Variants in USH2A observed in about 807,000 individuals in gnomAD.
USH2A encodes the protein Usher syndrome 2A (autosomal recessive, mild).
USH2A carries 443 observed loss-of-function variants against 538.9 expected under a neutral mutation model. The ratio of observed to expected loss-of-function variants is 0.82; its 90% CI spans 0.76 to 0.89. The LOEUF (loss-of-function observed/expected upper bound fraction) is 0.89. Ranked by LOEUF, USH2A falls within the 40% of genes least tolerant of loss-of-function variation. The pLI, the probability that USH2A is intolerant of heterozygous loss-of-function variation, is 0.00. For missense variants in USH2A, 6,633 were observed against 6,324.8 expected (o/e 1.05, Z -1.65); for synonymous variants, 2,413 against 2,273.5 (o/e 1.06, Z -1.75).
intron 43 of USH2A, among the ~76,000 whole-genome samples, chr1:215,877,527 A>T (rs1395121061): frequency 1.2e-4 from 18 of 152,180 alleles, no homozygotes; most frequent in Admixed American, 1.2e-3. Flanking sequence ...AGGCTTGAAC[A>T]TCTACAAGTT....
At position 215,713,068 on chromosome 1, in the gene USH2A, A is replaced by G. The variant is rs1420308406; in HGVS notation, c.12066+14962T>C. 1.3e-5 allele frequency among the ~76,000 whole-genome samples: 2 copies of G among 152,156 alleles called. 1 individual carries two copies. Among genetic ancestry groups the G allele is most frequent in the African/African-American group, 4.8e-5 (2 of 41,428 alleles). On this transcript the variant is annotated intron_variant, in intron 61 of 71. Coordinates refer to ENST00000307340, the MANE Select transcript of USH2A (RefSeq NM_206933.4). ...GTGATCTGCCCACCTCGGCTTCCCA[A>G]AGTGCTGGGATTACAGGCATGAGCC...
At chr1:215,953,091 C>A (rs1666964162) in intron 37 of USH2A, among the ~76,000 whole-genome samples, 2 of 152,104 alleles carry the variant, frequency 1.3e-5, no homozygotes, top group Admixed American at 6.5e-5. Context: ...AAGAACATTG[C>A]ATGCTCATGG....
intron 60 of USH2A, among the ~76,000 whole-genome samples, chr1:215,732,216 G>C (rs768442665): frequency 2.0e-4 from 30 of 152,170 alleles, no homozygotes; most frequent in Non-Finnish European, 3.2e-4. Flanking sequence ...ATTTGTGAAG[G>C]TTGAATCGTC....
intron 35 of USH2A, among the ~76,000 whole-genome samples, chr1:215,972,704 C>T (rs1259735330): frequency 6.6e-6 from 1 of 152,102 alleles, no homozygotes. Flanking sequence ...TATAGTTTAC[C>T]ATTCTGATAA....
At chr1:215,659,585 TA>T (rs1287132066) in intron 64 of USH2A, among the ~76,000 whole-genome samples, 1 of 152,194 alleles carries the variant, frequency 6.6e-6, no homozygotes, top group Non-Finnish European at 1.5e-5. Flanking sequence ...GACAATACCC[TA>T]GCCTTAAAGT....
At chr1:216,060,689 T>G (rs1430472599) in intron 30 of USH2A, among the ~76,000 whole-genome samples, 1 of 152,216 alleles carries the variant, frequency 6.6e-6, no homozygotes, top group Non-Finnish European at 1.5e-5. Flanking sequence ...TATACACCAA[T>G]TATATCTGTA....
intron 61 of USH2A, among the ~76,000 whole-genome samples, chr1:215,687,222 G>C (rs1658453883): frequency 6.6e-6 from 1 of 152,058 alleles, no homozygotes; most frequent in Non-Finnish European, 1.5e-5. Context: ...GATTAGGCAG[G>C]GGACAATTGT....
chr1:216,082,564 A>G (rs1447631477), intron 26 of USH2A, among the ~76,000 whole-genome samples: 2 of 151,992 alleles, frequency 1.3e-5, no homozygotes, highest in Non-Finnish European at 2.9e-5. Context: ...TAAGATGTTC[A>G]TATTTTTCTC....
intron 3 of USH2A, among the ~76,000 whole-genome samples, chr1:216,416,615 T>G (rs4488081): frequency 0.71 from 108,251 of 152,000 alleles, 38,818 homozygotes; most frequent in East Asian, 0.83. Flanking sequence ...CCTAAACTAG[T>G]AAATGACTCA....
At position 215,675,452 on chromosome 1, in the gene USH2A, G is replaced by T; in HGVS notation, c.12459C>A (p.Ala4153=). ...SAPQPLWTDE[A]PPDSQLAPTV... ...TAGGAGCCAGCTGAGAGTCTGGAGG[G>T]GCTTCATCTGTCCACAGAGGCTGAG... The change falls in exon 63 of 72, where the codon GCC becomes GCA. Residue 4153 remains alanine (A), a synonymous_variant. Coordinates refer to ENST00000307340, the MANE Select transcript of USH2A (RefSeq NM_206933.4). The T allele has an allele frequency of 6.2e-7, 1 of 1,613,976 alleles. No homozygotes were observed. Among genetic ancestry groups the T allele is most frequent in the South Asian group, 1.1e-5 (1 of 91,068 alleles).
chr1:215,910,872 G>A (rs988890982), intron 38 of USH2A, among the ~76,000 whole-genome samples: 5 of 151,600 alleles, frequency 3.3e-5, no homozygotes, highest in South Asian at 2.1e-4. Context: ...AATTGAGATC[G>A]CTCTGGATAC....
intron 43 of USH2A, among the ~76,000 whole-genome samples, chr1:215,874,117 G>A (rs1217040620): frequency 1.3e-5 from 2 of 152,108 alleles, no homozygotes; most frequent in Non-Finnish European, 2.9e-5. Context: ...GGAGGTCGCC[G>A]CCCTCTTGTT....
intron 11 of USH2A, among the ~76,000 whole-genome samples, chr1:216,253,401 G>C (rs945712653): frequency 2.0e-5 from 3 of 152,006 alleles, no homozygotes; most frequent in Non-Finnish European, 4.4e-5. Context: ...CCTGACCTCA[G>C]GTGATCTGTC....
At chr1:216,003,097 C>A (rs140136535) in intron 32 of USH2A, among the ~76,000 whole-genome samples, 301 of 151,992 alleles carry the variant, frequency 2.0e-3, no homozygotes, top group African/African-American at 7.0e-3. Flanking sequence ...GGGAAGTGTC[C>A]GTTTCTATAA....
chr1:216,262,496 C>T (rs1014847371), intron 11 of USH2A, among the ~76,000 whole-genome samples: 6 of 151,868 alleles, frequency 4.0e-5, no homozygotes, highest in African/African-American at 1.4e-4. Context: ...AACTCAAAGA[C>T]AGGTCTATTG....
chr1:215,694,581 C>CA (rs1658740280), intron 61 of USH2A, among the ~76,000 whole-genome samples: 1 of 152,148 alleles, frequency 6.6e-6, no homozygotes, highest in African/African-American at 2.4e-5. Context: ...TCAAAACAAA[C>CA]AAACAAACAA....
In USH2A at chr1:216,027,290, G is replaced by A. The variant is rs150041918; in HGVS notation, c.6325+19141C>T. Among the ~76,000 whole-genome samples, 969 of 152,260 alleles carry A rather than the reference G, an allele frequency of 6.4e-3. 13 individuals are homozygous for A. The highest frequency in any genetic ancestry group is 0.022 in the African/African-American group (901 of 41,560). ...TGTGCGTGTACAAAGAAAAGACCAC[G>A]TAAGAACATTGCAAGAAGGCGGCAA... On this transcript the variant is annotated intron_variant, in intron 32 of 71. Coordinates refer to ENST00000307340, the MANE Select transcript of USH2A (RefSeq NM_206933.4).
Position 215,817,087 on chromosome 1 carries a change from C to T in USH2A, c.9480G>A (p.Val3160=). Residue 3160 remains valine, a synonymous_variant, in exon 48 of 72, where the codon GTG becomes GTA. Coordinates refer to ENST00000307340, the MANE Select transcript of USH2A (RefSeq NM_206933.4). ...WYPCAKTQKL[V]QDQSDELCKA... is the part of the protein sequence containing the mutation. ...TGCAGAGCTCATCACTCTGATCCTG[C>T]ACTAACTTTTGAGTTTTAGCGCATG... is the stretch of plus-strand genomic sequence containing the variant. The T allele has an allele frequency of 2.5e-6, 4 of 1,612,850 alleles. No homozygotes were observed. The highest frequency in any genetic ancestry group is 3.4e-6 in the Non-Finnish European group (4 of 1,179,128).
At chr1:216,306,619 C>A (rs770106265) in intron 9 of USH2A, among the ~76,000 whole-genome samples, 5 of 152,160 alleles carry the variant, frequency 3.3e-5, no homozygotes, top group Non-Finnish European at 5.9e-5. Context: ...TTTCAGGTTG[C>A]TTTTCATTTG....
Sources: gnomAD v4.1 joint callset for allele counts (sites outside exome capture counted in the v4.1 genomes callset) on GRCh38, gnomAD v4.1.1 for gene constraint, MANE v1.5 for transcripts, NCBI Gene and HGNC (gene_info 2026-07-23, HGNC 2026-07-21) for gene names.